Variants in GRIP2 observed in about 807,000 individuals in gnomAD.
GRIP2 encodes the protein glutamate receptor interacting protein 2.
GRIP2 carries 58 observed loss-of-function variants against 108.3 expected under a neutral mutation model. The observed-to-expected ratio is 0.54, with a 90% confidence interval of 0.43 to 0.67. The LOEUF is 0.67. Among genes scored for constraint, GRIP2 ranks in the 30% least tolerant of loss-of-function variants. GRIP2 has a pLI of 0.00. For synonymous variants in GRIP2, 586 were observed against 598.2 expected, an observed-to-expected ratio of 0.98 and a Z score of 0.30; for missense variants, 1,278 against 1,430.6, an observed-to-expected ratio of 0.89 and a Z score of 1.72.
the GRIP2 span, among the ~76,000 whole-genome samples, chr3:14,594,196 G>A: frequency 2.0e-5 from 3 of 152,170 alleles, no homozygotes; most frequent in South Asian, 2.1e-4. Flanking sequence ...CTCTGACTCT[G>A]GTCTGTCCCT....
the GRIP2 span, among the ~76,000 whole-genome samples, chr3:14,586,800 A>G: frequency 1.3e-5 from 2 of 152,214 alleles, no homozygotes; most frequent in Non-Finnish European, 2.9e-5. Flanking sequence ...ATGTCCAACC[A>G]TGGGGGAACA....
chr3:14,576,279 T>A, the GRIP2 span, among the ~76,000 whole-genome samples: 1 of 152,212 alleles, frequency 6.6e-6, no homozygotes, highest in Non-Finnish European at 1.5e-5. Context: ...CTGCATTCAC[T>A]CTGTCCATCC....
chr3:14,548,123 G>A (rs1248128028), intron 1 of GRIP2, among the ~76,000 whole-genome samples: 3 of 152,216 alleles, frequency 2.0e-5, no homozygotes, highest in Non-Finnish European at 4.4e-5. Context: ...ACACTCAAAG[G>A]TGAGGTAGGC....
At chr3:14,516,941 T>A (rs1694263728) in intron 11 of GRIP2, 123 bp downstream of exon 11, 1 of 903,368 alleles carries the variant, frequency 1.1e-6, no homozygotes, top group African/African-American at 1.7e-5. Flanking sequence ...TATTTAACAT[T>A]CCCACGCATA....
upstream of GRIP2, among the ~76,000 whole-genome samples, chr3:14,558,093 C>G (rs13434045): frequency 0.11 from 16,114 of 152,218 alleles, 992 homozygotes; most frequent in African/African-American, 0.16. Context: ...GAATCTGATG[C>G]GTTCCATGAA....
rs1306670999 is a variant in GRIP2 at position 14,507,493 on chromosome 3, G to A, written c.2218+68C>T. ...GACTCTGTGAGGGTGTGCAGGCAAA[G>A]CCTGGCACAGAGGGATTGCCCTTCC... On this transcript the variant is annotated intron_variant, in intron 18 of 23. Coordinates refer to ENST00000621039, the MANE Select transcript of GRIP2 (RefSeq NM_001080423.4). This position sits in a 1 kb window ranked among gnomAD's most constrained non-coding sequence, Gnocchi z 4.6. The A allele has an allele frequency of 9.5e-6, 15 of 1,571,330 alleles. No homozygotes were observed. In the South Asian group the frequency reaches 1.4e-4, roughly 14 times the overall value.
the GRIP2 span, chr3:14,573,690 C>T: frequency 6.3e-6 from 9 of 1,432,726 alleles, no homozygotes; most frequent in Non-Finnish European, 5.9e-6. Flanking sequence ...GTTTCTGGTG[C>T]AGATCGGCCA....
chr3:14,511,234 C>T lies in GRIP2; in HGVS notation c.1864G>A (p.Ala622Thr), dbSNP rs181165939. The change falls in exon 16 of 24, where the codon GCC (alanine) becomes ACC (threonine). Residue 622 changes from alanine (A) to threonine (T), a missense_variant. Coordinates refer to ENST00000621039, the MANE Select transcript of GRIP2 (RefSeq NM_001080423.4). The surrounding 1 kb of genome is among the most constrained non-coding windows in gnomAD (Gnocchi z 4.1). Reference sequence around the variant, plus strand: ...TCGCACTGCCGCAGGATTTGCACGGCGTCCTCCATGGGGCAGTTGTCCAGG... The same window carrying T: ...TCGCACTGCCGCAGGATTTGCACGGTGTCCTCCATGGGGCAGTTGTCCAGG... ...IRLDNCPMED[A>T]VQILRQCEDL... 3.4e-5 allele frequency: 55 copies of T among 1,613,990 alleles called. No homozygotes were observed. The East Asian group carries it at 3.8e-4, about 11-fold the overall frequency.
chr3:14,537,659 A>T (rs1395696464), intron 1 of GRIP2, among the ~76,000 whole-genome samples: 1 of 152,248 alleles, frequency 6.6e-6, no homozygotes, highest in African/African-American at 2.4e-5. Flanking sequence ...CCATGGCCAC[A>T]GCCCCTGCTG....
the GRIP2 span, chr3:14,574,361 C>G: frequency 1.0e-6 from 1 of 956,822 alleles, no homozygotes; most frequent in Non-Finnish European, 1.6e-6. Context: ...TGCGCTGGTT[C>G]CGCCGCGGCC....
chr3:14,555,564 GAC>G (rs1695224607), intron 1 of GRIP2, among the ~76,000 whole-genome samples: 1 of 141,594 alleles, frequency 7.1e-6, no homozygotes, highest in Non-Finnish European at 1.6e-5. Flanking sequence ...AGGAGAGACA[GAC>G]ACAGAGAGAC....
In GRIP2 at chr3:14,520,106, C is replaced by G. The variant is rs1694362013; in HGVS notation, c.1030+4G>C. ...GGGCCCTGAGATCTACTGAGGGGACCCACCTGCCTCTGAGGGCCTCAGTGG... is the reference window on the plus strand; with the variant it reads ...GGGCCCTGAGATCTACTGAGGGGACGCACCTGCCTCTGAGGGCCTCAGTGG... On this transcript the variant is annotated splice_donor_region_variant and intron_variant, in intron 9 of 23. Transcript: ENST00000621039. 4.4e-6 allele frequency: 7 copies of G among 1,587,084 alleles called. No homozygotes were observed. The highest frequency in any genetic ancestry group is 6.0e-6 in the Non-Finnish European group (7 of 1,168,146).
the GRIP2 span, among the ~76,000 whole-genome samples, chr3:14,569,211 CA>C: frequency 6.6e-6 from 1 of 152,214 alleles, no homozygotes; most frequent in Admixed American, 6.5e-5. Context: ...AAGTGACAGC[CA>C]AGACTGAGTT....
In GRIP2 at chr3:14,507,719, G is replaced by A. The variant is rs781457457; in HGVS notation, c.2079-19C>T. On this transcript the variant is annotated intron_variant, in intron 17 of 23. Transcript: ENST00000621039. The surrounding 1 kb of genome is among the most constrained non-coding windows in gnomAD (Gnocchi z 4.6). ...ACCAGTCCTGAGGAGTGGATGCAGG[G>A]CAGAGAATGGGAGTTAGACACTCAG... 3.7e-6 allele frequency: 6 copies of A among 1,609,404 alleles called. No homozygotes were observed. Among genetic ancestry groups the A allele is most frequent in the Admixed American group, 1.7e-5 (1 of 59,942 alleles).
At chr3:14,541,700 G>T (rs906251544), upstream of GRIP2, among the ~76,000 whole-genome samples, 1 of 152,196 alleles carries the variant, frequency 6.6e-6, no homozygotes, top group African/African-American at 2.4e-5. Context: ...GGCAACTTGA[G>T]ATCTGTTTCT....
the GRIP2 span, chr3:14,574,371 CCCG>C: frequency 4.2e-5 from 39 of 932,072 alleles, no homozygotes; most frequent in Non-Finnish European, 6.4e-5. Flanking sequence ...CCGCCGCGGC[CCCG>C]CGGTGCTCAC....
At chr3:14,561,199 G>A in the GRIP2 span, among the ~76,000 whole-genome samples, 1 of 152,222 alleles carries the variant, frequency 6.6e-6, no homozygotes, top group African/African-American at 2.4e-5. Flanking sequence ...AGGGAACAGA[G>A]GCTCCCTTAA....
rs1310363637 is a variant in GRIP2, at chr3:14,504,329, T to G, written c.2574-658A>C. Reference sequence around the variant, plus strand: ...TGCTTGTTTTTTTTTTTTTTTTTTTTGAGACAGAGTCTTGCTCTGTCACCC... The same window carrying G: ...TGCTTGTTTTTTTTTTTTTTTTTTTGGAGACAGAGTCTTGCTCTGTCACCC... On this transcript the variant is annotated intron_variant, in intron 20 of 23. Transcript: ENST00000621039. Among the ~76,000 whole-genome samples, 9 of 137,420 alleles carry G rather than the reference T, an allele frequency of 6.5e-5. No individual in the cohort carries two copies. The South Asian group carries it at 1.9e-3, about 29-fold the overall frequency. 90.2% of individuals were successfully genotyped at this position (137,420 alleles called of 152,430 possible).
chr3:14,582,529 G>A, the GRIP2 span, among the ~76,000 whole-genome samples: 2 of 152,182 alleles, frequency 1.3e-5, no homozygotes, highest in African/African-American at 2.4e-5. Context: ...ATTAAGGCAG[G>A]AGGTCTGGAG....
Sources: gnomAD v4.1 joint callset for allele counts (sites outside exome capture counted in the v4.1 genomes callset) on GRCh38, gnomAD v4.1.1 for gene constraint, Gnocchi (gnomAD v3.1) non-coding constraint, MANE v1.5 for transcripts, NCBI Gene and HGNC (gene_info 2026-07-23, HGNC 2026-07-21) for gene names.